CASZ1: variants seen among roughly 807,000 people sequenced by gnomAD.
The protein encoded by CASZ1 is zinc finger protein castor homolog 1.
A neutral mutation model predicts 135.2 loss-of-function variants in CASZ1; 28 were observed. The ratio of observed to expected loss-of-function variants is 0.21; its 90% confidence interval spans 0.15 to 0.28. The LOEUF is 0.28. Ranked by LOEUF, CASZ1 falls within the 10% of genes least tolerant of loss-of-function variation. The pLI, the probability that CASZ1 is intolerant of heterozygous loss-of-function variation, is 1.00. For synonymous variants in CASZ1, 1,068 were observed against 1,073.4 expected (o/e 0.99, Z 0.10); for missense variants, 2,161 against 2,453.3 (o/e 0.88, Z 2.52).
chr1:10,737,621 A>T lies in CASZ1; in HGVS notation c.-77+23080T>A, dbSNP rs568987531. Among the ~76,000 whole-genome samples the T allele has an allele frequency of 6.5e-4, 99 of 152,312 alleles. 1 individual carries two copies. Among genetic ancestry groups the T allele is most frequent in the African/African-American group, 2.2e-3 (93 of 41,588 alleles). ...GAAGAAGGGTGCCCAAGGGAGTTAC[A>T]TGGCTGTAAGGGTTGGGGTCTGTGG... On this transcript the variant is annotated intron_variant, in intron 2 of 20. Transcript: ENST00000377022.
intron 11 of CASZ1, chr1:10,652,997 G>C (rs1324118588): frequency 7.0e-6 from 2 of 287,370 alleles, no homozygotes. Flanking sequence ...TCAGCTGGAG[G>C]AAACGCTCGG....
intron 8 of CASZ1, among the ~76,000 whole-genome samples, chr1:10,656,231 C>T (rs866434573): frequency 1.9e-4 from 29 of 152,250 alleles, no homozygotes; most frequent in African/African-American, 6.5e-4. Context: ...ACCAGCCCCG[C>T]GCTCACTGGC....
intron 2 of CASZ1, among the ~76,000 whole-genome samples, chr1:10,731,231 A>G (rs1639696912): frequency 6.6e-6 from 1 of 152,212 alleles, no homozygotes; most frequent in African/African-American, 2.4e-5. Context: ...GAGTCATTCA[A>G]AGTGCTCATA....
Position 10,643,153 on chromosome 1 carries a change from C to T in CASZ1, c.4020+7G>A, listed in dbSNP as rs747869022. On this transcript the variant is annotated splice_region_variant and intron_variant, in intron 19 of 20. Coordinates refer to ENST00000377022, the MANE Select transcript of CASZ1 (RefSeq NM_001079843.3). ...TGGCTGGGCTCTCACCTGGGGGGGG[C>T]TCTCACCTGGGAGGGGGGCACGCGG... is the stretch of plus-strand genomic sequence containing the variant. The T allele has an allele frequency of 4.3e-6, 7 of 1,609,820 alleles. No individual in the cohort carries two copies. The highest frequency in any genetic ancestry group is 1.3e-5 in the African/African-American group (1 of 74,810).
Position 10,665,481 on chromosome 1 carries a change from G to T in CASZ1, c.107C>A (p.Ala36Asp). Residue 36 changes from alanine (A) to aspartate (D), a missense_variant, in exon 5 of 21, where the codon GCC becomes GAC. Ala to Asp is a moderately radical substitution (Grantham distance 126, BLOSUM62 -2). This residue lies in a region of CASZ1 where 590 missense variants were observed against 609.8 expected (regional missense o/e 0.97). Transcript: ENST00000377022. ...CACCACCACCTGGCGGCTCAGCTTG[G>T]CGCAGATGGCGTTCAGCTTCAGGCC... ...KGGLKLNAIC[A>D]KLSRQVVVEK... 6.2e-7 allele frequency: 1 copy of T among 1,607,854 alleles called. No individual in the cohort carries two copies.
At chr1:10,687,972 C>T (rs1233415254) in intron 4 of CASZ1, among the ~76,000 whole-genome samples, 1 of 152,222 alleles carries the variant, frequency 6.6e-6, no homozygotes, top group Non-Finnish European at 1.5e-5. Flanking sequence ...TCCTGCCTTC[C>T]TCCTTCTGCC....
intron 13 of CASZ1, chr1:10,650,476 A>C (rs550894875): frequency 3.0e-4 from 144 of 473,122 alleles, no homozygotes; most frequent in Admixed American, 9.7e-4. Flanking sequence ...AAGGTGTCAG[A>C]GGCTGGAATA....
intron 18 of CASZ1, 97 bp from the exon 19 acceptor site, chr1:10,643,408 G>A: frequency 1.5e-6 from 2 of 1,315,016 alleles, no homozygotes; most frequent in Non-Finnish European, 2.1e-6. Context: ...GGGGCAGTGT[G>A]GTCAGTAAGG....
chr1:10,653,394 G>A lies in CASZ1; in HGVS notation c.2663C>T (p.Ser888Phe), dbSNP rs1163189417. The change falls in exon 11 of 21, where the codon TCT becomes TTT. Residue 888 changes from serine to phenylalanine, a missense_variant. This residue lies in a region of CASZ1 where 406 missense variants were observed against 387.6 expected (regional missense o/e 1.05). Transcript: ENST00000377022. Reference protein sequence around the residue: ...ARLAAAALKPSATFDPGSGQQ... With the variant: ...ARLAAAALKPFATFDPGSGQQ... Reference sequence around the variant, plus strand: ...CTGCTCACCTGGGTCAAAGGTGGCAGAGGGCTTGAGGGCAGCTGCAGCCAG... The same window carrying A: ...CTGCTCACCTGGGTCAAAGGTGGCAAAGGGCTTGAGGGCAGCTGCAGCCAG... 3.7e-6 allele frequency: 6 copies of A among 1,613,180 alleles called. No homozygotes were observed. Among genetic ancestry groups the A allele is most frequent in the Non-Finnish European group, 4.2e-6 (5 of 1,180,028 alleles).
chr1:10,785,612 C>T (rs1640845480), intron 1 of CASZ1, among the ~76,000 whole-genome samples: 2 of 152,230 alleles, frequency 1.3e-5, no homozygotes, highest in Non-Finnish European at 2.9e-5. Context: ...CTGCCTGTCT[C>T]GTGGCCCTCC....
intron 20 of CASZ1, 94 bp downstream of exon 20, chr1:10,642,765 C>A: frequency 1.4e-6 from 2 of 1,421,740 alleles, no homozygotes; most frequent in Non-Finnish European, 9.5e-7. Context: ...TCGGAGGCCG[C>A]GTGCCCCGGA....
In CASZ1 at chr1:10,638,889, G is replaced by A. The variant is rs1642086433; in HGVS notation, c.*53C>T. On this transcript the variant is annotated 3_prime_UTR_variant, in exon 21 of 21. Coordinates refer to ENST00000377022, the MANE Select transcript of CASZ1 (RefSeq NM_001079843.3). This position sits in a 1 kb window ranked among gnomAD's most constrained non-coding sequence, Gnocchi z 5.9. ...CAGGGGCCGCTTCGCGCGGGGCGGCGCCGCTCCCGAGGCCGAGGCCGAGGC... is the reference window on the plus strand; with the variant it reads ...CAGGGGCCGCTTCGCGCGGGGCGGCACCGCTCCCGAGGCCGAGGCCGAGGC... The A allele has an allele frequency of 2.0e-6, 2 of 977,942 alleles. No individual in the cohort carries two copies. Among genetic ancestry groups the A allele is most frequent in the Admixed American group, 6.3e-5 (1 of 15,922 alleles). 60.6% of individuals were successfully genotyped at this position (977,942 alleles called of 1,614,324 possible). A position where few individuals can be genotyped will look rare whatever the true frequency, so the allele number is the denominator to read the frequency against.
intron 2 of CASZ1, among the ~76,000 whole-genome samples, chr1:10,738,773 G>T (rs911600728): frequency 1.3e-5 from 2 of 152,148 alleles, no homozygotes; most frequent in African/African-American, 4.8e-5. Context: ...TCATTTAAAG[G>T]CTCTTCTCTC....
In CASZ1 at chr1:10,659,816, G is replaced by T. The variant is rs748955899; in HGVS notation, c.1226C>A (p.Ala409Asp). 1.9e-6 allele frequency: 3 copies of T among 1,613,452 alleles called. No individual in the cohort carries two copies. The highest frequency in any genetic ancestry group is 1.3e-5 in the African/African-American group (1 of 75,000). ...PLASVPSAPS[A>D]PGPGPEPPAS... ...AGGAGGCTCTGGCCCTGGCCCGGGG[G>T]CGCTGGGGGCACTGGGCACGCTGGC... Residue 409 changes from alanine to aspartate, a missense_variant, in exon 6 of 21, where the codon GCC becomes GAC. Physicochemically the swap from Ala to Asp is moderately radical, Grantham distance 126 (BLOSUM62 -2). Transcript: ENST00000377022.
intron 1 of CASZ1, among the ~76,000 whole-genome samples, chr1:10,789,224 C>G (rs998088451): frequency 6.6e-6 from 1 of 151,054 alleles, no homozygotes; most frequent in Non-Finnish European, 1.5e-5. Flanking sequence ...GCAAAGCCCC[C>G]TATCTTTGAG....
intron 1 of CASZ1, among the ~76,000 whole-genome samples, chr1:10,771,509 T>C (rs1412115146): frequency 7.8e-6 from 1 of 127,598 alleles, no homozygotes; most frequent in Admixed American, 8.4e-5. Context: ...CAAAAAATCA[T>C]GCAATTAAAG....
intron 1 of CASZ1, among the ~76,000 whole-genome samples, chr1:10,786,380 G>A (rs1640859265): frequency 6.6e-6 from 1 of 152,200 alleles, no homozygotes; most frequent in Non-Finnish European, 1.5e-5. Context: ...GAGGACCCCA[G>A]GCAGGCCAGA....
In CASZ1 at chr1:10,656,641, C is replaced by T. The variant is rs1419053049; in HGVS notation, c.1500+5G>A. 26 of 1,589,052 alleles carry T rather than the reference C, an allele frequency of 1.6e-5. No homozygotes were observed. The highest frequency in any genetic ancestry group is 2.3e-5 in the South Asian group (2 of 87,140). ...GAGGCGGAGCCCATCTGGCTGTGGC[C>T]GTACCTGGTAGTTACACTCAGGGTC... On this transcript the variant is annotated splice_donor_5th_base_variant and intron_variant, in intron 8 of 20. Transcript: ENST00000377022.
At position 10,757,150 on chromosome 1, in the gene CASZ1, A is replaced by G. The variant is rs949927402; in HGVS notation, c.-77+3551T>C. On this transcript the variant is annotated intron_variant, in intron 2 of 20. Coordinates refer to ENST00000377022, the MANE Select transcript of CASZ1 (RefSeq NM_001079843.3). This position sits in a 1 kb window ranked among gnomAD's most constrained non-coding sequence, Gnocchi z 4.6. Reference sequence around the variant, plus strand: ...TTTCTCAGCACCCAGCATGGTTCCAAGATGGCACTTCTCCCCTAATGCATG... The same window carrying G: ...TTTCTCAGCACCCAGCATGGTTCCAGGATGGCACTTCTCCCCTAATGCATG... 6.6e-6 allele frequency among the ~76,000 whole-genome samples: 1 copy of G among 152,168 alleles called. No individual in the cohort carries two copies. Among genetic ancestry groups the G allele is most frequent in the African/African-American group, 2.4e-5 (1 of 41,430 alleles).
Sources: allele counts gnomAD v4.1 joint callset (sites outside exome capture counted in the v4.1 genomes callset), GRCh38; gene constraint gnomAD v4.1.1; regional missense constraint gnomAD v4.1.1; non-coding constraint Gnocchi (gnomAD v3.1); transcripts MANE v1.5; gene names NCBI Gene and HGNC (gene_info 2026-07-23, HGNC 2026-07-21).